Variants in SAMTOR observed in about 807,000 individuals in gnomAD.
The protein encoded by SAMTOR is UPF0532 protein C7orf60.
the SAMTOR span, among the ~76,000 whole-genome samples, chr7:112,824,569 G>A: frequency 6.6e-6 from 1 of 152,080 alleles, no homozygotes; most frequent in East Asian, 1.9e-4. Context: ...CACCATATTG[G>A]CCAGGCTGGT....
At chr7:112,915,295 A>G in the SAMTOR span, 2 of 1,592,502 alleles carry the variant, frequency 1.3e-6, no homozygotes, top group Non-Finnish European at 1.7e-6. Flanking sequence ...TTAATTCATA[A>G]AAGTACTTAC....
At chr7:112,856,262 T>G in the SAMTOR span, among the ~76,000 whole-genome samples, 1 of 151,772 alleles carries the variant, frequency 6.6e-6, no homozygotes, top group African/African-American at 2.4e-5. Context: ...TTCTTTTTTT[T>G]TTTTCGAGAC....
chr7:112,899,216 T>A, the SAMTOR span, among the ~76,000 whole-genome samples: 2 of 152,072 alleles, frequency 1.3e-5, no homozygotes, highest in Admixed American at 6.5e-5. Context: ...CATAAATCTT[T>A]CAGGGAAATT....
chr7:112,907,030 C>T, the SAMTOR span, among the ~76,000 whole-genome samples: 1 of 151,928 alleles, frequency 6.6e-6, no homozygotes, highest in East Asian at 1.9e-4. Flanking sequence ...GCAAGAAAAA[C>T]CAAGAAAACC....
At chr7:112,902,886 T>A in the SAMTOR span, among the ~76,000 whole-genome samples, 5 of 152,240 alleles carry the variant, frequency 3.3e-5, no homozygotes, top group Admixed American at 2.0e-4. Flanking sequence ...TATCTCCTGA[T>A]GTATTAAACT....
the SAMTOR span, among the ~76,000 whole-genome samples, chr7:112,857,631 C>T: frequency 6.6e-6 from 1 of 152,288 alleles, no homozygotes; most frequent in African/African-American, 2.4e-5. Context: ...CAGAGCTGTG[C>T]TGATCTATAT....
At chr7:112,914,719 C>G in the SAMTOR span, among the ~76,000 whole-genome samples, 262 of 152,014 alleles carry the variant, frequency 1.7e-3, no homozygotes, top group African/African-American at 6.1e-3. Context: ...AGTATTAAAT[C>G]ATTATATTTA....
chr7:112,911,328 T>G, the SAMTOR span, among the ~76,000 whole-genome samples: 2 of 152,128 alleles, frequency 1.3e-5, no homozygotes, highest in Non-Finnish European at 2.9e-5. Flanking sequence ...ATTCATTCAC[T>G]ATCAAAGCAC....
chr7:112,860,912 CAAA>C, the SAMTOR span, among the ~76,000 whole-genome samples: 34 of 45,920 alleles, frequency 7.4e-4, no homozygotes, highest in Non-Finnish European at 1.4e-3. Flanking sequence ...GACTCTGTCT[CAAA>C]AAAAAAAAAA....
the SAMTOR span, among the ~76,000 whole-genome samples, chr7:112,897,020 C>T: frequency 2.1e-3 from 322 of 152,094 alleles, 1 homozygote; most frequent in South Asian, 6.2e-3. Flanking sequence ...ATGAAAAAAC[C>T]CTGAGCCTAG....
At chr7:112,893,425 G>A in the SAMTOR span, among the ~76,000 whole-genome samples, 1 of 152,226 alleles carries the variant, frequency 6.6e-6, no homozygotes, top group East Asian at 1.9e-4. Flanking sequence ...ACCAACCTCT[G>A]TTAAGCTTCA....
chr7:112,938,952 TA>T, the SAMTOR span, among the ~76,000 whole-genome samples: 2 of 152,016 alleles, frequency 1.3e-5, no homozygotes, highest in African/African-American at 4.8e-5. Flanking sequence ...CCTCATCGCC[TA>T]AATAAACAGT....
chr7:112,926,555 T>C, the SAMTOR span, among the ~76,000 whole-genome samples: 3 of 152,228 alleles, frequency 2.0e-5, no homozygotes, highest in Admixed American at 6.5e-5. Flanking sequence ...TTCATTAACA[T>C]TGAGGAGTCT....
the SAMTOR span, among the ~76,000 whole-genome samples, chr7:112,917,620 G>T: frequency 2.0e-5 from 3 of 152,220 alleles, no homozygotes; most frequent in East Asian, 5.8e-4. Flanking sequence ...CAAGCTGAGA[G>T]AAGAAGGCTT....
At chr7:112,833,656 T>C in the SAMTOR span, among the ~76,000 whole-genome samples, 3 of 152,190 alleles carry the variant, frequency 2.0e-5, no homozygotes, top group Non-Finnish European at 4.4e-5. Flanking sequence ...AATATACTTC[T>C]TATAAATTGA....
the SAMTOR span, among the ~76,000 whole-genome samples, chr7:112,926,582 T>G: frequency 1.3e-5 from 2 of 152,204 alleles, no homozygotes; most frequent in East Asian, 3.8e-4. Flanking sequence ...TCTCACAAAG[T>G]GTGTTGACAC....
At chr7:112,939,597 G>T in the SAMTOR span, 1 of 1,613,942 alleles carries the variant, frequency 6.2e-7, no homozygotes, top group East Asian at 2.2e-5. Context: ...TTACCTTCTC[G>T]GTACTTCTTG....
chr7:112,873,649 C>T, the SAMTOR span, among the ~76,000 whole-genome samples: 1 of 152,038 alleles, frequency 6.6e-6, no homozygotes, highest in Admixed American at 6.6e-5. Context: ...TGGACATTGG[C>T]CTAGGCAAAG....
the SAMTOR span, among the ~76,000 whole-genome samples, chr7:112,891,788 C>G: frequency 1.3e-5 from 2 of 152,234 alleles, no homozygotes; most frequent in South Asian, 4.1e-4. Flanking sequence ...TGCTAGTCAT[C>G]ATTTGAGCCT....
Sources: allele counts gnomAD v4.1 joint callset (sites outside exome capture counted in the v4.1 genomes callset), GRCh38; gene constraint gnomAD v4.1.1; transcripts MANE v1.5; gene names NCBI Gene and HGNC (gene_info 2026-07-23, HGNC 2026-07-21).